The following RANBP2 variants were observed in gnomAD, a reference collection of about 807,000 sequenced individuals.
The protein encoded by RANBP2 is E3 SUMO-protein ligase RanBP2.
In RANBP2, 57 loss-of-function variants were observed where a neutral mutation model predicts 303.6. The ratio of observed to expected loss-of-function variants is 0.19; its 90% CI spans 0.15 to 0.23. The LOEUF is 0.23. Ranked by LOEUF, RANBP2 falls within the 10% of genes least tolerant of loss-of-function variation. RANBP2 has a pLI of 1.00. For missense variants in RANBP2, 3,138 were observed against 3,780.8 expected (o/e 0.83, Z 4.46); for synonymous variants, 1,167 against 1,301.5 (o/e 0.90, Z 2.23).
At chr2:108,957,260 C>G in the RANBP2 span, among the ~76,000 whole-genome samples, 1 of 152,188 alleles carries the variant, frequency 6.6e-6, no homozygotes, top group African/African-American at 2.4e-5. Flanking sequence ...TGTTCACCTT[C>G]GCTTCGTGAG....
chr2:109,129,988 G>A, the RANBP2 span: 7 of 1,296,364 alleles, frequency 5.4e-6, no homozygotes, highest in Middle Eastern at 2.9e-4. Flanking sequence ...CCCCACGCTC[G>A]CGGGCGGCGG....
chr2:109,743,548 A>G, the RANBP2 span, among the ~76,000 whole-genome samples: 1 of 144,696 alleles, frequency 6.9e-6, no homozygotes, highest in Admixed American at 7.0e-5. Flanking sequence ...ACAGGTTGAA[A>G]GAAAATATTT....
the RANBP2 span, chr2:108,923,345 G>A: frequency 7.5e-6 from 12 of 1,608,796 alleles, no homozygotes; most frequent in Non-Finnish European, 1.0e-5. Context: ...ATACCGTGCT[G>A]GTGGAAGGAC....
the RANBP2 span, among the ~76,000 whole-genome samples, chr2:109,483,709 C>G: frequency 2.0e-5 from 3 of 152,252 alleles, no homozygotes; most frequent in African/African-American, 4.8e-5. Flanking sequence ...AGAGCACATT[C>G]TTGTGGCTGT....
chr2:108,763,126 A>C (rs1170140719), intron 19 of RANBP2, 111 bp from the exon 20 acceptor site: 16 of 1,233,088 alleles, frequency 1.3e-5, no homozygotes, highest in Non-Finnish European at 1.7e-5. Context: ...TCCCCTAATG[A>C]GATCTTCTTC....
chr2:109,128,168 G>A, the RANBP2 span: 2 of 152,232 alleles, frequency 1.3e-5, no homozygotes, highest in South Asian at 2.1e-4. Context: ...GGCAGCGCAC[G>A]GCAGGGAATC....
At chr2:109,444,934 CAAAA>C in the RANBP2 span, among the ~76,000 whole-genome samples, 1 of 151,542 alleles carries the variant, frequency 6.6e-6, no homozygotes, top group Non-Finnish European at 1.5e-5. Flanking sequence ...TATACACACA[CAAAA>C]AAGAAAAACA....
In RANBP2 at chr2:108,772,058, G is replaced by T. The variant is rs554204225; in HGVS notation, c.8020+187G>T. On this transcript the variant is annotated intron_variant, in intron 21 of 28. Coordinates refer to ENST00000283195, the MANE Select transcript of RANBP2 (RefSeq NM_006267.5). ...TGATCAAAAGGACTGCAATCATTAA[G>T]CAAGCATTTTTTGGATGGCTAATGT... Among the ~76,000 whole-genome samples the T allele has an allele frequency of 1.2e-4, 19 of 152,294 alleles. No homozygotes were observed. In the South Asian group the frequency reaches 3.7e-3, roughly 30 times the overall value.
chr2:108,968,054 G>T, the RANBP2 span, among the ~76,000 whole-genome samples: 1 of 152,172 alleles, frequency 6.6e-6, no homozygotes, highest in Non-Finnish European at 1.5e-5. Flanking sequence ...ACTGTCCCAA[G>T]AATGCCTCAG....
chr2:109,693,087 A>G, the RANBP2 span, among the ~76,000 whole-genome samples: 2 of 152,144 alleles, frequency 1.3e-5, no homozygotes, highest in African/African-American at 4.8e-5. Flanking sequence ...TTTAAGTCTG[A>G]TAAGAAACAT....
At chr2:109,184,528 G>A in the RANBP2 span, among the ~76,000 whole-genome samples, 42 of 152,282 alleles carry the variant, frequency 2.8e-4, no homozygotes, top group Admixed American at 2.5e-3. Flanking sequence ...ATAGAGCTGG[G>A]CTGGGAGGCT....
chr2:109,419,791 G>A, the RANBP2 span: 14 of 706,722 alleles, frequency 2.0e-5, no homozygotes, highest in African/African-American at 2.1e-4. Flanking sequence ...CACCGCTGAA[G>A]GGAGAGTGTG....
the RANBP2 span, among the ~76,000 whole-genome samples, chr2:109,649,857 A>G: frequency 6.6e-6 from 1 of 152,192 alleles, no homozygotes; most frequent in South Asian, 2.1e-4. Flanking sequence ...ATTCCCTCTG[A>G]TGTGTTTAAA....
At chr2:108,907,733 C>T in the RANBP2 span, 1 of 1,086,290 alleles carries the variant, frequency 9.2e-7, no homozygotes, top group East Asian at 2.4e-5. Context: ...GTCCAGGTCT[C>T]CTATCTTGGA....
At chr2:108,818,274 TC>T in the RANBP2 span, among the ~76,000 whole-genome samples, 1 of 152,160 alleles carries the variant, frequency 6.6e-6, no homozygotes, top group East Asian at 1.9e-4. Flanking sequence ...ACCACTGTAC[TC>T]CAGCCTGGGC....
At chr2:109,265,450 C>A in the RANBP2 span, among the ~76,000 whole-genome samples, 1 of 152,200 alleles carries the variant, frequency 6.6e-6, no homozygotes, top group Non-Finnish European at 1.5e-5. Context: ...GACAGTGAGC[C>A]CCCACCTCCC....
At chr2:109,606,454 G>T in the RANBP2 span, among the ~76,000 whole-genome samples, 1 of 151,998 alleles carries the variant, frequency 6.6e-6, no homozygotes, top group Non-Finnish European at 1.5e-5. Flanking sequence ...TAACACAAGG[G>T]AAGTACTTGC....
At chr2:109,613,920 GC>G in the RANBP2 span, 1,181 of 1,220,252 alleles carry the variant, frequency 9.7e-4, 2 homozygotes, top group Non-Finnish European at 1.1e-3. Context: ...GAGGGCAGAA[GC>G]AACGGGCGGG....
the RANBP2 span, among the ~76,000 whole-genome samples, chr2:109,071,119 G>A: frequency 6.6e-6 from 1 of 152,186 alleles, no homozygotes; most frequent in Non-Finnish European, 1.5e-5. Context: ...CAGCAATAGA[G>A]CAGCATCTTG....
Sources: gnomAD v4.1 joint callset for allele counts (sites outside exome capture counted in the v4.1 genomes callset) on GRCh38, gnomAD v4.1.1 for gene constraint, MANE v1.5 for transcripts, NCBI Gene and HGNC (gene_info 2026-07-23, HGNC 2026-07-21) for gene names.